MSN: variants seen among roughly 807,000 people sequenced by gnomAD.
The protein encoded by MSN is moesin, also known as epididymis luminal protein 70.
In MSN, 2 loss-of-function variants were observed where a neutral mutation model predicts 48.0. The ratio of observed to expected loss-of-function variants is 0.04; its 90% CI spans 0.02 to 0.13. The LOEUF (loss-of-function observed/expected upper bound fraction) is 0.13. Ranked by LOEUF, MSN falls within the 10% of genes least tolerant of loss-of-function variation. MSN has a pLI of 1.00. For synonymous variants in MSN, 146 were observed against 166.9 expected (o/e 0.87, Z 0.97); for missense variants, 267 against 470.1 (o/e 0.57, Z 3.99).
chrX:65,614,694 T>A (rs756055512), intron 1 of MSN, among the ~76,000 whole-genome samples: 1 of 95,284 alleles, frequency 1.0e-5, no homozygotes, highest in Non-Finnish European at 1.9e-5. Flanking sequence ...ATTTATTTAT[T>A]TATTTTTTCT....
At chrX:65,700,034 T>C (rs910622800) in intron 1 of MSN, among the ~76,000 whole-genome samples, 16 of 111,910 alleles carry the variant, frequency 1.4e-4, no homozygotes, top group African/African-American at 4.6e-4. Flanking sequence ...TTTTAAATTG[T>C]AGAGCACTGT....
intron 1 of MSN, among the ~76,000 whole-genome samples, chrX:65,641,550 G>A (rs866696696): frequency 0.017 from 260 of 15,342 alleles, 8 homozygotes; most frequent in African/African-American, 0.043. Context: ...AAAAAGTGAA[G>A]TATATATATA....
chrX:65,711,996 A>C (rs113510736), intron 1 of MSN, among the ~76,000 whole-genome samples: 2 of 111,194 alleles, frequency 1.8e-5, no homozygotes, highest in Non-Finnish European at 3.8e-5. Context: ...CCCCCTTTCT[A>C]TTCTCTCCTG....
At chrX:65,662,304 A>C (rs909128326) in intron 1 of MSN, among the ~76,000 whole-genome samples, 2 of 112,638 alleles carry the variant, frequency 1.8e-5, no homozygotes, top group African/African-American at 6.5e-5. Context: ...ACATGGAACC[A>C]AAAAGGAGCC....
At chrX:65,588,462 G>A in exon 1 of MSN, 1 of 582,794 alleles carries the variant, frequency 1.7e-6, no homozygotes, top group Non-Finnish European at 2.1e-6. Flanking sequence ...CTGGCCCTGG[G>A]GCCTGAGATC....
At chrX:65,717,774 A>G (rs2071480981) in intron 2 of MSN, among the ~76,000 whole-genome samples, 2 of 111,724 alleles carry the variant, frequency 1.8e-5, no homozygotes, top group Admixed American at 9.5e-5. Flanking sequence ...GTTATTGTCC[A>G]GGATGTTAGG....
intron 1 of MSN, among the ~76,000 whole-genome samples, chrX:65,595,457 G>A (rs2070179622): frequency 8.9e-6 from 1 of 112,108 alleles, no homozygotes; most frequent in Admixed American, 9.5e-5. Context: ...TTATCTGGAT[G>A]TCTCTCATTG....
chrX:65,726,250 C>T (rs2071566731), intron 2 of MSN, among the ~76,000 whole-genome samples: 1 of 111,485 alleles, frequency 9.0e-6, no homozygotes, highest in South Asian at 3.8e-4. Flanking sequence ...ACTTGAGAAG[C>T]TCAGGAGTCG....
intron 2 of MSN, among the ~76,000 whole-genome samples, chrX:65,718,049 G>A (rs894665148): frequency 2.2e-4 from 24 of 111,459 alleles, no homozygotes; most frequent in Admixed American, 6.7e-4. Flanking sequence ...TTATTACATA[G>A]AGTGGGAAAA....
intron 1 of MSN, among the ~76,000 whole-genome samples, chrX:65,598,478 T>C (rs945921001): frequency 5.4e-5 from 6 of 111,026 alleles, no homozygotes; most frequent in African/African-American, 2.0e-4. Flanking sequence ...ATGAATATGA[T>C]AATATGATAG....
intron 7 of MSN, among the ~76,000 whole-genome samples, chrX:65,733,933 C>T (rs939384821): frequency 9.1e-6 from 1 of 110,167 alleles, no homozygotes. Context: ...GGATTATAGG[C>T]GTGAGCCACC....
chrX:65,738,215 G>A (rs2071697939), intron 10 of MSN, among the ~76,000 whole-genome samples: 1 of 112,241 alleles, frequency 8.9e-6, no homozygotes, highest in Non-Finnish European at 1.9e-5. Flanking sequence ...GATGGCCAAA[G>A]CTTTACTGAG....
At chrX:65,622,270 T>C (rs2070455306) in intron 1 of MSN, among the ~76,000 whole-genome samples, 1 of 106,961 alleles carries the variant, frequency 9.3e-6, no homozygotes, top group African/African-American at 3.4e-5. Flanking sequence ...AATTTTTGTA[T>C]TTTTTTTGGG....
At chrX:65,617,203 A>G (rs1460899937) in intron 1 of MSN, among the ~76,000 whole-genome samples, 1 of 107,739 alleles carries the variant, frequency 9.3e-6, no homozygotes, top group African/African-American at 3.7e-5. Flanking sequence ...CTTTGGTATC[A>G]GAATGATGCT....
At chrX:65,653,338 T>A (rs1198630164) in intron 1 of MSN, among the ~76,000 whole-genome samples, 1 of 111,317 alleles carries the variant, frequency 9.0e-6, no homozygotes, top group African/African-American at 3.3e-5. Flanking sequence ...CACATCTTCA[T>A]GTAAATACAT....
chrX:65,688,843 C>T (rs1337027908), intron 1 of MSN, among the ~76,000 whole-genome samples: 1 of 112,040 alleles, frequency 8.9e-6, no homozygotes, highest in Non-Finnish European at 1.9e-5. Context: ...TGTCAGACCA[C>T]TGCCTTCAAG....
At chrX:65,709,610 T>C (rs1456352486) in intron 1 of MSN, among the ~76,000 whole-genome samples, 2 of 112,477 alleles carry the variant, frequency 1.8e-5, no homozygotes. Flanking sequence ...TGGGCCCTTC[T>C]TTACCAATTG....
At chrX:65,729,745 C>A in intron 4 of MSN, 33 bp downstream of exon 4, 1 of 1,190,672 alleles carries the variant, frequency 8.4e-7, no homozygotes, top group Non-Finnish European at 1.1e-6. Context: ...TTTGCCTTGG[C>A]CATAAGGGGC....
intron 1 of MSN, among the ~76,000 whole-genome samples, chrX:65,642,319 G>T (rs773342726): frequency 7.4e-5 from 8 of 108,352 alleles, no homozygotes; most frequent in African/African-American, 2.7e-4. Flanking sequence ...AAAAAAGCAG[G>T]TTATAAACCA....
Sources: gnomAD v4.1 joint callset for allele counts (sites outside exome capture counted in the v4.1 genomes callset) on GRCh38, gnomAD v4.1.1 for gene constraint, MANE v1.5 for transcripts, NCBI Gene and HGNC (gene_info 2026-07-23, HGNC 2026-07-21) for gene names.